The following EZH1 variants were observed in gnomAD, a reference collection of about 807,000 sequenced individuals.
EZH1 encodes histone-lysine N-methyltransferase EZH1.
In EZH1, 33 loss-of-function variants were observed where a neutral mutation model predicts 100.5. The observed-to-expected ratio is 0.33, with a 90% CI of 0.25 to 0.44. The LOEUF is 0.44. EZH1 is among the 20% of genes least tolerant of loss of function. The probability of loss-of-function intolerance (pLI) is 1.00; values close to 1 mark genes in which losing one functional copy is unlikely to be tolerated. For synonymous variants in EZH1, 272 were observed against 313.8 expected, an observed-to-expected ratio of 0.87 and a Z score of 1.41; for missense variants, 475 against 928.4, an observed-to-expected ratio of 0.51 and a Z score of 6.35.
At chr17:42,732,937 G>C (rs1023671834) in intron 1 of EZH1, among the ~76,000 whole-genome samples, 1 of 149,086 alleles carries the variant, frequency 6.7e-6, no homozygotes, top group Non-Finnish European at 1.5e-5. Flanking sequence ...GGGCAACAGA[G>C]TGAGACTCTG....
In EZH1 at chr17:42,702,331, A is replaced by G. The variant is rs554855172; in HGVS notation, c.*201T>C. The stretch of plus-strand genomic sequence containing the variant: ...TGTAACTCTCTGTCCTGGGAGACCA[A>G]GCCCTAGCTGCCTCTGTCTCCCCTC... On this transcript the variant is annotated 3_prime_UTR_variant, in exon 21 of 21. Coordinates refer to ENST00000428826, the MANE Select transcript of EZH1 (RefSeq NM_001991.5). 2.9e-4 allele frequency: 138 copies of G among 481,702 alleles called. No individual in the cohort carries two copies. Among genetic ancestry groups the G allele is most frequent in the Non-Finnish European group, 4.4e-4 (119 of 267,534 alleles). 29.8% of individuals were successfully genotyped at this position (481,702 alleles called of 1,614,324 possible). A position where few individuals can be genotyped will look rare whatever the true frequency, so the allele number is the denominator to read the frequency against.
intron 1 of EZH1, among the ~76,000 whole-genome samples, chr17:42,732,770 ACC>A (rs2053977751): frequency 6.6e-6 from 1 of 152,052 alleles, no homozygotes; most frequent in Admixed American, 6.6e-5. Flanking sequence ...CTGTCTCAAA[ACC>A]AAACAAAACA....
chr17:42,723,317 G>A (rs903443090), intron 5 of EZH1, among the ~76,000 whole-genome samples: 1 of 151,542 alleles, frequency 6.6e-6, no homozygotes, highest in Non-Finnish European at 1.5e-5. Context: ...AGAGGTTGCA[G>A]TAAGCTGAGA....
At chr17:42,722,740 C>A in intron 6 of EZH1, 55 bp downstream of exon 6, 1 of 1,575,340 alleles carries the variant, frequency 6.3e-7, no homozygotes. Flanking sequence ...GATGAGGTAC[C>A]AAAGAAGAGG....
intron 6 of EZH1, among the ~76,000 whole-genome samples, chr17:42,720,885 AG>A (rs1252936910): frequency 3.9e-5 from 6 of 152,104 alleles, no homozygotes; most frequent in Non-Finnish European, 8.8e-5. Flanking sequence ...TCCAGACCTC[AG>A]GTGATCCGCC....
At chr17:42,708,842 C>G (rs1484434743) in intron 14 of EZH1, 34 bp downstream of exon 14, 1 of 1,613,604 alleles carries the variant, frequency 6.2e-7, no homozygotes, top group Non-Finnish European at 8.5e-7. Context: ...AGGCCTCCAG[C>G]TGAACTGCTG....
At chr17:42,731,758 G>C (rs1438058489) in intron 1 of EZH1, 1 of 151,828 alleles carries the variant, frequency 6.6e-6, no homozygotes, top group Non-Finnish European at 1.5e-5. Flanking sequence ...AAATTAGCCA[G>C]GTGTGGTGGC....
chr17:42,720,124 G>T, intron 7 of EZH1, 149 bp downstream of exon 7: 1 of 693,926 alleles, frequency 1.4e-6, no homozygotes, highest in Non-Finnish European at 2.3e-6. Flanking sequence ...ACAGCTATCT[G>T]AAGCTATCAC....
chr17:42,725,563 G>A (rs1404999015), intron 4 of EZH1, among the ~76,000 whole-genome samples: 1 of 151,798 alleles, frequency 6.6e-6, no homozygotes, highest in Non-Finnish European at 1.5e-5. Flanking sequence ...TTACATGTGT[G>A]AGCCACTATG....
At chr17:42,744,951 G>A (rs770511190) in intron 1 of EZH1, 60 bp downstream of exon 1, 1 of 1,252,818 alleles carries the variant, frequency 8.0e-7, no homozygotes, top group African/African-American at 1.6e-5. Context: ...CTCAGGCCCA[G>A]GGCGGCGAGG....
intron 4 of EZH1, 21 bp downstream of exon 4, chr17:42,727,614 A>G: frequency 1.9e-6 from 3 of 1,599,848 alleles, no homozygotes; most frequent in Non-Finnish European, 2.6e-6. Context: ...AGGAAGACTG[A>G]GCTTAAACTC....
chr17:42,727,311 G>A (rs1422110223), intron 4 of EZH1, among the ~76,000 whole-genome samples: 1 of 151,844 alleles, frequency 6.6e-6, no homozygotes, highest in African/African-American at 2.4e-5. Context: ...GGAGTGTTGT[G>A]GTGAAATCAT....
intron 16 of EZH1, among the ~76,000 whole-genome samples, 175 bp from the exon 17 acceptor site, chr17:42,705,358 G>T (rs1188045866): frequency 6.6e-6 from 1 of 152,158 alleles, no homozygotes; most frequent in Non-Finnish European, 1.5e-5. Flanking sequence ...AAAAGAAAAT[G>T]GGAGGTGGTG....
chr17:42,729,693 C>T (rs1352512939), intron 2 of EZH1, among the ~76,000 whole-genome samples: 2 of 149,854 alleles, frequency 1.3e-5, no homozygotes, highest in African/African-American at 2.5e-5. Context: ...AAGCCGAGAT[C>T]GCACCACTGC....
chr17:42,729,147 C>A (rs2053885935), intron 2 of EZH1, 195 bp from the exon 3 acceptor site: 1 of 469,494 alleles, frequency 2.1e-6, no homozygotes, highest in African/African-American at 2.0e-5. Context: ...GGGCTCACAC[C>A]TGTAAAACCA....
At chr17:42,722,481 T>G (rs946123436) in intron 6 of EZH1, among the ~76,000 whole-genome samples, 30 of 150,834 alleles carry the variant, frequency 2.0e-4, no homozygotes, top group African/African-American at 7.3e-4. Context: ...AAGAATTAGC[T>G]GGGCATGGTG....
intron 1 of EZH1, chr17:42,731,691 A>C (rs1421937711): frequency 6.6e-6 from 1 of 151,244 alleles, no homozygotes; most frequent in Non-Finnish European, 1.5e-5. Context: ...GGAATTCAAG[A>C]CCAGCCTGGT....
rs180848013 is a variant in EZH1, at chr17:42,724,230, T to C, written c.366+75A>G. ...GTTAATTACTGGACAATCTTTACCC[T>C]AAGAGGAGCTCTGGCATATCAACAT... is the stretch of plus-strand genomic sequence containing the variant. On this transcript the variant is annotated intron_variant, in intron 5 of 20. Coordinates refer to ENST00000428826, the MANE Select transcript of EZH1 (RefSeq NM_001991.5). 3.8e-4 allele frequency: 596 copies of C among 1,566,726 alleles called. 5 individuals are homozygous for C. The East Asian group carries it at 0.013, about 33-fold the overall frequency.
At chr17:42,728,741 C>CA (rs368020600) in intron 3 of EZH1, 84 bp downstream of exon 3, 165,124 of 1,057,646 alleles carry the variant, frequency 0.16, 252 homozygotes, top group African/African-American at 0.19. Context: ...GACTCTGTCT[C>CA]AAAAAAAAAA....
Sources: allele counts gnomAD v4.1 joint callset (sites outside exome capture counted in the v4.1 genomes callset), GRCh38; gene constraint gnomAD v4.1.1; transcripts MANE v1.5; gene names NCBI Gene and HGNC (gene_info 2026-07-23, HGNC 2026-07-21).